The following GRIK4 variants were observed in gnomAD, a reference collection of about 807,000 sequenced individuals.
GRIK4 encodes the protein glutamate ionotropic receptor kainate type subunit 4, also known as glutamate receptor ionotropic, kainate 4.
In GRIK4, 40 loss-of-function variants were observed where a neutral mutation model predicts 104.9. The observed-to-expected ratio is 0.38, with a 90% CI of 0.30 to 0.50. The LOEUF is 0.50. Ranked by LOEUF, GRIK4 falls within the 20% of genes least tolerant of loss-of-function variation. The pLI is 0.93. For synonymous variants in GRIK4, 485 were observed against 524.9 expected (o/e 0.92, Z 1.04); for missense variants, 1,047 against 1,308.1 (o/e 0.80, Z 3.08).
intron 13 of GRIK4, among the ~76,000 whole-genome samples, chr11:120,906,067 G>A (rs1017736929): frequency 4.6e-5 from 7 of 152,148 alleles, no homozygotes; most frequent in Middle Eastern, 3.2e-3. Context: ...AGATTTTCAG[G>A]GTGAATGTGG....
At chr11:120,799,141 A>G (rs116637524) in intron 3 of GRIK4, among the ~76,000 whole-genome samples, 3,830 of 152,308 alleles carry the variant, frequency 0.025, 161 homozygotes, top group African/African-American at 0.086. Flanking sequence ...CCCACAGGGG[A>G]CATGCTCATT....
rs755538043 is a variant in GRIK4 at position 120,591,880 on chromosome 11, G to A, written c.-158-61805G>A. Among the ~76,000 whole-genome samples the A allele has an allele frequency of 8.7e-4, 133 of 152,178 alleles. 1 individual carries two copies. Among genetic ancestry groups the A allele is most frequent in the Middle Eastern group, 3.4e-3 (1 of 294 alleles). ...TCCCTCCTCTTCTGTATTTGCATCG[G>A]CACAGGGACTGTTATTCCCACCAGC... is the stretch of plus-strand genomic sequence containing the variant. On this transcript the variant is annotated intron_variant, in intron 1 of 20. Transcript: ENST00000527524.
At chr11:120,727,146 A>G (rs1951042825) in intron 3 of GRIK4, among the ~76,000 whole-genome samples, 1 of 152,182 alleles carries the variant, frequency 6.6e-6, no homozygotes, top group Admixed American at 6.5e-5. Context: ...GGTTTGGCCC[A>G]CTTCAGTAGT....
chr11:120,863,556 C>A (rs536613580), intron 9 of GRIK4, among the ~76,000 whole-genome samples: 1 of 152,164 alleles, frequency 6.6e-6, no homozygotes, highest in African/African-American at 2.4e-5. Context: ...GTGAGTCAGG[C>A]GGAATGATGA....
At chr11:120,851,093 A>G (rs148613039) in intron 8 of GRIK4, among the ~76,000 whole-genome samples, 1 of 152,210 alleles carries the variant, frequency 6.6e-6, no homozygotes, top group Non-Finnish European at 1.5e-5. Flanking sequence ...CTGGATTTTT[A>G]TCTTGGCCAA....
At chr11:120,550,370 T>TGAGTTGG (rs1565546395) in intron 1 of GRIK4, among the ~76,000 whole-genome samples, 1 of 38,092 alleles carries the variant, frequency 2.6e-5, no homozygotes, top group African/African-American at 9.8e-5. Context: ...GGGGGTGGGG[T>TGAGTTGG]GGGGTTCTCC....
chr11:120,599,937 A>G (rs1017386287), intron 1 of GRIK4, among the ~76,000 whole-genome samples: 2 of 152,238 alleles, frequency 1.3e-5, no homozygotes, highest in African/African-American at 2.4e-5. Flanking sequence ...TTGCAGCCAG[A>G]GTATGTTTGA....
chr11:120,689,099 C>G (rs569628203), intron 3 of GRIK4, among the ~76,000 whole-genome samples: 90 of 152,240 alleles, frequency 5.9e-4, no homozygotes, highest in South Asian at 2.7e-3. Context: ...CAAGCCCAGT[C>G]AGGGCTTGGG....
intron 13 of GRIK4, among the ~76,000 whole-genome samples, chr11:120,928,960 CGTGTGTGTGT>C (rs61452053): frequency 2.1e-3 from 313 of 150,456 alleles, no homozygotes; most frequent in Non-Finnish European, 3.0e-3. Flanking sequence ...TTAGCAAAGA[CGTGTGTGTGT>C]GTGTGTGTGT....
In GRIK4 at chr11:120,952,258, C is replaced by T. The variant is rs1309649156; in HGVS notation, c.1591-597C>T. On this transcript the variant is annotated intron_variant, in intron 14 of 20. Transcript: ENST00000527524. This position sits in a 1 kb window ranked among gnomAD's most constrained non-coding sequence, Gnocchi z 5.2. ...TTTTGGGTCCCGGCTCTTCCATTTA[C>T]GCACTGTGGAACCTCGGGCACATCT... is the stretch of plus-strand genomic sequence containing the variant. Among the ~76,000 whole-genome samples the T allele has an allele frequency of 1.3e-5, 2 of 152,122 alleles. No homozygotes were observed. Among genetic ancestry groups the T allele is most frequent in the South Asian group, 2.1e-4 (1 of 4,822 alleles).
intron 1 of GRIK4, among the ~76,000 whole-genome samples, chr11:120,614,775 G>C (rs559349778): frequency 1.3e-5 from 2 of 152,306 alleles, no homozygotes; most frequent in South Asian, 4.1e-4. Context: ...CAAGGCGGGT[G>C]GATCATGAGG....
At chr11:120,844,948 T>C (rs574326822) in intron 8 of GRIK4, among the ~76,000 whole-genome samples, 8 of 152,300 alleles carry the variant, frequency 5.3e-5, no homozygotes, top group African/African-American at 1.7e-4. Context: ...AAGTGGTCTC[T>C]CTGTCACCTG....
chr11:120,585,518 C>T (rs1304492002), intron 1 of GRIK4, among the ~76,000 whole-genome samples: 1 of 151,880 alleles, frequency 6.6e-6, no homozygotes, highest in African/African-American at 2.4e-5. Context: ...CGTGCCCTTT[C>T]CATTCTCTTA....
At chr11:120,927,960 C>T (rs1002387775) in intron 13 of GRIK4, among the ~76,000 whole-genome samples, 1 of 152,080 alleles carries the variant, frequency 6.6e-6, no homozygotes, top group Non-Finnish European at 1.5e-5. Context: ...TGCCTGTAAT[C>T]CTAGCACTTT....
At chr11:120,750,449 C>T (rs1368703953) in intron 3 of GRIK4, among the ~76,000 whole-genome samples, 3 of 150,304 alleles carry the variant, frequency 2.0e-5, no homozygotes, top group Non-Finnish European at 1.5e-5. Flanking sequence ...TCACTGCAGC[C>T]TCCGCCTCCC....
intron 1 of GRIK4, among the ~76,000 whole-genome samples, chr11:120,646,701 A>G (rs1046726721): frequency 6.6e-6 from 1 of 152,212 alleles, no homozygotes; most frequent in Non-Finnish European, 1.5e-5. Context: ...CATCTGTTCA[A>G]TAAATCTGAG....
At chr11:120,742,976 T>C (rs1057109741) in intron 3 of GRIK4, among the ~76,000 whole-genome samples, 2 of 152,196 alleles carry the variant, frequency 1.3e-5, no homozygotes, top group Non-Finnish European at 2.9e-5. Context: ...CTCACACCTA[T>C]AATCCCAGCA....
At chr11:120,756,699 G>T (rs150230383) in intron 3 of GRIK4, among the ~76,000 whole-genome samples, 282 of 152,310 alleles carry the variant, frequency 1.9e-3, no homozygotes, top group African/African-American at 6.5e-3. Flanking sequence ...ATCTATAGGG[G>T]ACACAGAGCT....
chr11:120,955,860 G>A (rs149239940), intron 15 of GRIK4, among the ~76,000 whole-genome samples: 2,507 of 151,750 alleles, frequency 0.017, 46 homozygotes, highest in Non-Finnish European at 0.019. Flanking sequence ...CAGACAGGGA[G>A]AGCCTGGCTT....
Sources: gnomAD v4.1 joint callset for allele counts (sites outside exome capture counted in the v4.1 genomes callset) on GRCh38, gnomAD v4.1.1 for gene constraint, Gnocchi (gnomAD v3.1) non-coding constraint, MANE v1.5 for transcripts, NCBI Gene and HGNC (gene_info 2026-07-23, HGNC 2026-07-21) for gene names.